KIRREL3: variants seen among roughly 807,000 people sequenced by gnomAD.
The protein encoded by KIRREL3 is kirre like nephrin family adhesion molecule 3, also known as kin of IRRE-like protein 3.
A neutral mutation model predicts 89.7 loss-of-function variants in KIRREL3; 36 were observed. The observed-to-expected ratio is 0.40, with a 90% CI of 0.31 to 0.53. KIRREL3 has a LOEUF of 0.53. KIRREL3 is among the 20% of genes least tolerant of loss of function. KIRREL3 has a pLI of 0.49. For missense variants in KIRREL3, 864 were observed against 1,056.6 expected (o/e 0.82, Z 2.53); for synonymous variants, 445 against 441.4 (o/e 1.01, Z -0.10).
At position 126,797,997 on chromosome 11, in the gene KIRREL3, G is replaced by A. The variant is rs1310456902; in HGVS notation, c.55+202458C>T. 2.0e-5 allele frequency among the ~76,000 whole-genome samples: 3 copies of A among 152,182 alleles called. No homozygotes were observed. ...CCTGTGTGCTCCTGGAGAGGTGGAG[G>A]AAGGCTCATATCTTGGGGCCAGGTG... is the stretch of plus-strand genomic sequence containing the variant. On this transcript the variant is annotated intron_variant, in intron 1 of 16. Coordinates refer to ENST00000525144, the MANE Select transcript of KIRREL3 (RefSeq NM_032531.4). The surrounding 1 kb of genome is among the most constrained non-coding windows in gnomAD (Gnocchi z 4.9).
intron 1 of KIRREL3, among the ~76,000 whole-genome samples, chr11:126,597,576 C>A (rs955435521): frequency 2.6e-5 from 4 of 152,064 alleles, no homozygotes; most frequent in African/African-American, 9.7e-5. Flanking sequence ...ATTCTTTTGC[C>A]GTCAGCTTCA....
Position 126,531,061 on chromosome 11 carries a change from C to T in KIRREL3, c.134-4374G>A, listed in dbSNP as rs1591687776. Among the ~76,000 whole-genome samples, 2 of 152,266 alleles carry T rather than the reference C, an allele frequency of 1.3e-5. No homozygotes were observed. Among genetic ancestry groups the T allele is most frequent in the East Asian group, 3.9e-4 (2 of 5,176 alleles). ...GCCAGGCTGGTCTCGAACTCCTGACCTCATGATCCACCTGCCTCGACCTCC... is the reference window on the plus strand; with the variant it reads ...GCCAGGCTGGTCTCGAACTCCTGACTTCATGATCCACCTGCCTCGACCTCC... On this transcript the variant is annotated intron_variant, in intron 2 of 16. Coordinates refer to ENST00000525144, the MANE Select transcript of KIRREL3 (RefSeq NM_032531.4). The surrounding 1 kb of genome is among the most constrained non-coding windows in gnomAD (Gnocchi z 4.7).
intron 13 of KIRREL3, among the ~76,000 whole-genome samples, chr11:126,433,067 T>G (rs1484227152): frequency 6.6e-6 from 1 of 152,068 alleles, no homozygotes; most frequent in Non-Finnish European, 1.5e-5. Context: ...TTAGTAGAGA[T>G]AGGGTTTCAC....
At chr11:126,435,882 G>A (rs551816084) in intron 12 of KIRREL3, among the ~76,000 whole-genome samples, 6 of 152,118 alleles carry the variant, frequency 3.9e-5, no homozygotes, top group South Asian at 2.1e-4. Context: ...AGGCCTCCTG[G>A]GCCTCAGAGG....
rs145348876 is a variant in KIRREL3 at position 126,639,930 on chromosome 11, C to G, written c.56-77018G>C. Among the ~76,000 whole-genome samples, 83 of 152,292 alleles carry G rather than the reference C, an allele frequency of 5.5e-4. No homozygotes were observed. The highest frequency in any genetic ancestry group is 1.9e-3 in the African/African-American group (77 of 41,566). ...AAGGCCACTTGCTTAATTGGGAACA[C>G]TTTAATATAGATATCCATTAACTTA... On this transcript the variant is annotated intron_variant, in intron 1 of 16. Transcript: ENST00000525144. The surrounding 1 kb of genome is among the most constrained non-coding windows in gnomAD (Gnocchi z 4.3).
In KIRREL3 at chr11:126,946,214, A is replaced by T. The variant is rs1486803346; in HGVS notation, c.55+54241T>A. 6.6e-6 allele frequency among the ~76,000 whole-genome samples: 1 copy of T among 152,088 alleles called. No homozygotes were observed. Among genetic ancestry groups the T allele is most frequent in the Non-Finnish European group, 1.5e-5 (1 of 68,022 alleles). On this transcript the variant is annotated intron_variant, in intron 1 of 16. Transcript: ENST00000525144. This position sits in a 1 kb window ranked among gnomAD's most constrained non-coding sequence, Gnocchi z 4.1. The stretch of plus-strand genomic sequence containing the variant: ...TTCAAGTTTCAGTTTTTCCCCTTAA[A>T]ATGACCCTAAATCCCTTAAAACTGC...
intron 1 of KIRREL3, among the ~76,000 whole-genome samples, chr11:126,577,983 C>A (rs897870319): frequency 4.6e-5 from 7 of 152,114 alleles, no homozygotes; most frequent in Non-Finnish European, 1.0e-4. Flanking sequence ...TCCCTTGGAT[C>A]GTTCTAAAGA....
At chr11:126,505,564 T>G (rs1322592495) in intron 4 of KIRREL3, among the ~76,000 whole-genome samples, 1 of 135,106 alleles carries the variant, frequency 7.4e-6, no homozygotes, top group East Asian at 1.9e-4. Context: ...AGAGTGTAAC[T>G]CCATCTCTTT....
At chr11:126,426,485 T>C (rs1028667876) in intron 15 of KIRREL3, among the ~76,000 whole-genome samples, 6 of 152,166 alleles carry the variant, frequency 3.9e-5, no homozygotes, top group Admixed American at 6.5e-5. Context: ...GTGCCTGATA[T>C]ACAATAGAGC....
chr11:126,717,328 C>T (rs1342557541), intron 1 of KIRREL3, among the ~76,000 whole-genome samples: 1 of 150,956 alleles, frequency 6.6e-6, no homozygotes, highest in Admixed American at 6.6e-5. Flanking sequence ...ATAGTGGAAG[C>T]GTGATTATAG....
intron 9 of KIRREL3, among the ~76,000 whole-genome samples, chr11:126,445,921 G>A (rs950988713): frequency 5.9e-5 from 9 of 152,186 alleles, no homozygotes; most frequent in Admixed American, 1.3e-4. Context: ...GGCCGAGGTG[G>A]GCGGATCACC....
chr11:126,550,039 G>C lies in KIRREL3; in HGVS notation c.133+12796C>G, dbSNP rs1014853216. 1 of 152,186 alleles carries C rather than the reference G, an allele frequency of 6.6e-6. No homozygotes were observed. The highest frequency in any genetic ancestry group is 2.1e-4 in the South Asian group (1 of 4,826). 9.4% of individuals were successfully genotyped at this position (152,186 alleles called of 1,614,324 possible). A position where few individuals can be genotyped will look rare whatever the true frequency, so the allele number is the denominator to read the frequency against. ...TTCCAATAGCTACTTATTCATACCC[G>C]GTTACCGCAACTGCGACATTGTATT... On this transcript the variant is annotated intron_variant, in intron 2 of 16. Transcript: ENST00000525144. This position sits in a 1 kb window ranked among gnomAD's most constrained non-coding sequence, Gnocchi z 4.9.
Position 126,808,715 on chromosome 11 carries a change from AC to A in KIRREL3, c.55+191739del, listed in dbSNP as rs1951283287. On this transcript the variant is annotated intron_variant, in intron 1 of 16. Coordinates refer to ENST00000525144, the MANE Select transcript of KIRREL3 (RefSeq NM_032531.4). This position sits in a 1 kb window ranked among gnomAD's most constrained non-coding sequence, Gnocchi z 4.1. Reference sequence around the variant, plus strand: ...AGTTTTGTCATGCAAACGAAGAAAAACAACTTGCTTTCCAATTTCCACATGC... The same window carrying A: ...AGTTTTGTCATGCAAACGAAGAAAAAAACTTGCTTTCCAATTTCCACATGC... Among the ~76,000 whole-genome samples, 1 of 152,192 alleles carries A rather than the reference AC, an allele frequency of 6.6e-6. No individual in the cohort carries two copies. The highest frequency in any genetic ancestry group is 1.9e-4 in the East Asian group (1 of 5,194).
chr11:126,521,696 G>A lies in KIRREL3; in HGVS notation c.284-232C>T, dbSNP rs55841105. ...TCTGTATGTGTGTGTGTGTGTGTGT[G>A]TGTGTGTGTGTGTGTGTGTGTGTGT... On this transcript the variant is annotated intron_variant, in intron 3 of 16. Coordinates refer to ENST00000525144, the MANE Select transcript of KIRREL3 (RefSeq NM_032531.4). The surrounding 1 kb of genome is among the most constrained non-coding windows in gnomAD (Gnocchi z 4.1). 2.1e-4 allele frequency among the ~76,000 whole-genome samples: 11 copies of A among 53,394 alleles called. No individual in the cohort carries two copies. Among genetic ancestry groups the A allele is most frequent in the Admixed American group, 3.9e-4 (2 of 5,066 alleles). 35.0% of individuals were successfully genotyped at this position (53,394 alleles called of 152,430 possible). A position where few individuals can be genotyped will look rare whatever the true frequency, so the allele number is the denominator to read the frequency against.
chr11:126,489,613 C>G lies in KIRREL3; in HGVS notation c.434-16147G>C, dbSNP rs1957455672. 6.6e-6 allele frequency among the ~76,000 whole-genome samples: 1 copy of G among 152,144 alleles called. No individual in the cohort carries two copies. Among genetic ancestry groups the G allele is most frequent in the African/African-American group, 2.4e-5 (1 of 41,424 alleles). On this transcript the variant is annotated intron_variant, in intron 4 of 16. Transcript: ENST00000525144. The surrounding 1 kb of genome is among the most constrained non-coding windows in gnomAD (Gnocchi z 5.5). ...GTGTGAATCACCATAAGTTTGGACC[C>G]AGGACAGCTGGTGTCCCCTGGCTTT... is the stretch of plus-strand genomic sequence containing the variant.
chr11:126,583,860 G>T lies in KIRREL3; in HGVS notation c.56-20948C>A, dbSNP rs1053654413. Among the ~76,000 whole-genome samples, 4 of 152,318 alleles carry T rather than the reference G, an allele frequency of 2.6e-5. No individual in the cohort carries two copies. The South Asian group carries it at 8.3e-4, about 32-fold the overall frequency. On this transcript the variant is annotated intron_variant, in intron 1 of 16. Transcript: ENST00000525144. ...CTGACGGCAGGCCCGAGGCAGCCAG[G>T]TAGGGAGGCTGCCTGTGTGCAACCC...
Position 126,677,137 on chromosome 11 carries a change from G to A in KIRREL3, c.56-114225C>T, listed in dbSNP as rs1342901427. On this transcript the variant is annotated intron_variant, in intron 1 of 16. Transcript: ENST00000525144. This position sits in a 1 kb window ranked among gnomAD's most constrained non-coding sequence, Gnocchi z 5.1. ...CAATTCAGTGATTTTTAATATATTC[G>A]CAGATTTGCACAACCACCACCACAG... Among the ~76,000 whole-genome samples, 4 of 151,610 alleles carry A rather than the reference G, an allele frequency of 2.6e-5. No individual in the cohort carries two copies. The highest frequency in any genetic ancestry group is 5.9e-5 in the Non-Finnish European group (4 of 67,956).
chr11:126,451,468 A>G (rs1376454258), intron 7 of KIRREL3, among the ~76,000 whole-genome samples: 3 of 107,398 alleles, frequency 2.8e-5, no homozygotes, highest in African/African-American at 1.1e-4. Flanking sequence ...ATGTGTGGGC[A>G]TGTGCATGTG....
At chr11:126,503,310 G>A (rs530039500) in intron 4 of KIRREL3, among the ~76,000 whole-genome samples, 35 of 152,264 alleles carry the variant, frequency 2.3e-4, no homozygotes, top group African/African-American at 8.4e-4. Flanking sequence ...TGTTAAGGTG[G>A]ATGTGGGCAC....
Sources: gnomAD v4.1 joint callset for allele counts (sites outside exome capture counted in the v4.1 genomes callset) on GRCh38, gnomAD v4.1.1 for gene constraint, Gnocchi (gnomAD v3.1) non-coding constraint, MANE v1.5 for transcripts, NCBI Gene and HGNC (gene_info 2026-07-23, HGNC 2026-07-21) for gene names.